The following HMBOX1 variants were observed in gnomAD, a reference collection of about 807,000 sequenced individuals.
HMBOX1 encodes the protein homeobox-containing protein 1.
In HMBOX1, 14 loss-of-function variants were observed where a neutral mutation model predicts 54.5. The ratio of observed to expected loss-of-function variants is 0.26; its 90% CI spans 0.17 to 0.40. The LOEUF is 0.40. Ranked by LOEUF, HMBOX1 falls within the 10% of genes least tolerant of loss-of-function variation. The pLI is 1.00. For synonymous variants in HMBOX1, 160 were observed against 181.0 expected (o/e 0.88, Z 0.93); for missense variants, 332 against 514.4 (o/e 0.65, Z 3.43).
chr8:28,953,550 T>A (rs984868150), intron 1 of HMBOX1, among the ~76,000 whole-genome samples: 2 of 152,158 alleles, frequency 1.3e-5, no homozygotes, highest in African/African-American at 4.8e-5. Context: ...TATTTTCTTC[T>A]CTTCTGGTAG....
intron 1 of HMBOX1, among the ~76,000 whole-genome samples, chr8:28,916,279 GATC>G (rs1816522994): frequency 6.6e-6 from 1 of 152,178 alleles, no homozygotes. Context: ...TGGGCCTTCT[GATC>G]ATCCATGATT....
At chr8:28,928,892 A>G (rs1443033377) in intron 1 of HMBOX1, among the ~76,000 whole-genome samples, 1 of 152,154 alleles carries the variant, frequency 6.6e-6, no homozygotes, top group African/African-American at 2.4e-5. Context: ...ATAGAAATAG[A>G]ATAGAAGGGT....
In HMBOX1 at chr8:28,970,781, T is replaced by C. The variant is rs998684271; in HGVS notation, c.500+262T>C. ...CTTTTCCATTCTGTTTATCAAACAC[T>C]AATCTTCTCTATGACTCTAATAGCT... is the stretch of plus-strand genomic sequence containing the variant. On this transcript the variant is annotated intron_variant, in intron 3 of 9. Transcript: ENST00000287701. The surrounding 1 kb of genome is among the most constrained non-coding windows in gnomAD (Gnocchi z 4.3). The C allele has an allele frequency of 1.4e-5, 5 of 355,946 alleles. No homozygotes were observed. Among genetic ancestry groups the C allele is most frequent in the Non-Finnish European group, 2.5e-5 (5 of 196,910 alleles). 22.0% of individuals were successfully genotyped at this position (355,946 alleles called of 1,614,324 possible). A position where few individuals can be genotyped will look rare whatever the true frequency, so the allele number is the denominator to read the frequency against.
chr8:29,047,301 A>T, intron 7 of HMBOX1, 57 bp from the exon 8 acceptor site: 1 of 986,054 alleles, frequency 1.0e-6, no homozygotes, highest in Non-Finnish European at 1.6e-6. Context: ...CCTTAAAACT[A>T]GTTTATTCTT....
At chr8:28,927,863 G>T (rs1277983101) in intron 1 of HMBOX1, among the ~76,000 whole-genome samples, 1 of 145,412 alleles carries the variant, frequency 6.9e-6, no homozygotes, top group African/African-American at 2.5e-5. Context: ...AAAGCCAGGC[G>T]TGGTGGCTCA....
intron 1 of HMBOX1, among the ~76,000 whole-genome samples, chr8:28,931,547 G>A (rs1229952240): frequency 6.6e-6 from 1 of 152,042 alleles, no homozygotes; most frequent in African/African-American, 2.4e-5. Flanking sequence ...CTTGGTGGTG[G>A]TTGTTGTTTT....
chr8:28,957,765 G>A (rs533476182), intron 1 of HMBOX1, among the ~76,000 whole-genome samples: 5 of 152,236 alleles, frequency 3.3e-5, no homozygotes, highest in African/African-American at 9.6e-5. Context: ...TGGGATTATA[G>A]GTGTGTGCCA....
At chr8:28,956,119 A>T (rs139759695) in intron 1 of HMBOX1, among the ~76,000 whole-genome samples, 1 of 152,254 alleles carries the variant, frequency 6.6e-6, no homozygotes, top group East Asian at 1.9e-4. Flanking sequence ...TTTCCAAATG[A>T]TGTCATAATC....
intron 6 of HMBOX1, among the ~76,000 whole-genome samples, chr8:29,030,597 A>G (rs1401619835): frequency 6.6e-6 from 1 of 152,240 alleles, no homozygotes; most frequent in Admixed American, 6.5e-5. Flanking sequence ...TTAAAATTAT[A>G]TCACTCTATG....
At chr8:28,947,993 G>T (rs1822782072) in intron 1 of HMBOX1, among the ~76,000 whole-genome samples, 1 of 152,090 alleles carries the variant, frequency 6.6e-6, no homozygotes, top group Admixed American at 6.6e-5. Context: ...GTGCAGATAT[G>T]CTCACTACAG....
intron 6 of HMBOX1, among the ~76,000 whole-genome samples, chr8:29,026,414 G>A (rs962879541): frequency 2.6e-5 from 4 of 152,074 alleles, no homozygotes; most frequent in Non-Finnish European, 5.9e-5. Context: ...TCTTTTTGGG[G>A]TGATGAAGAT....
chr8:28,901,270 T>A (rs1210845092), intron 1 of HMBOX1, among the ~76,000 whole-genome samples: 1 of 152,090 alleles, frequency 6.6e-6, no homozygotes, highest in African/African-American at 2.4e-5. Context: ...TTCTTCTGAG[T>A]TTTCCTTTTT....
At chr8:28,930,665 T>C (rs1225639523) in intron 1 of HMBOX1, among the ~76,000 whole-genome samples, 1 of 152,210 alleles carries the variant, frequency 6.6e-6, no homozygotes, top group East Asian at 1.9e-4. Flanking sequence ...TTTTTTTCTT[T>C]CTCAGCATCT....
chr8:28,954,549 A>G lies in HMBOX1; in HGVS notation c.-57-9262A>G, dbSNP rs544750668. On this transcript the variant is annotated intron_variant, in intron 1 of 9. Coordinates refer to ENST00000287701, the MANE Select transcript of HMBOX1 (RefSeq NM_001135726.3). ...TACCATTATTGAGTGAAACAGATCT[A>G]TGCCAAGCTGTACAATGTAAATTCA... is the stretch of plus-strand genomic sequence containing the variant. Among the ~76,000 whole-genome samples the G allele has an allele frequency of 5.3e-5, 8 of 152,324 alleles. No homozygotes were observed. The South Asian group carries it at 1.7e-3, about 32-fold the overall frequency.
chr8:29,017,490 G>A (rs1013661451), intron 5 of HMBOX1, among the ~76,000 whole-genome samples: 1 of 152,178 alleles, frequency 6.6e-6, no homozygotes, highest in Non-Finnish European at 1.5e-5. Context: ...TCTAAAAGTA[G>A]TAGCAGTGCA....
At chr8:28,962,936 A>G (rs2132271013) in intron 1 of HMBOX1, among the ~76,000 whole-genome samples, 1 of 152,020 alleles carries the variant, frequency 6.6e-6, no homozygotes, top group African/African-American at 2.4e-5. Context: ...TATCTTACTC[A>G]TATTTAGTTC....
At chr8:28,896,163 C>G (rs1413702495) in intron 1 of HMBOX1, among the ~76,000 whole-genome samples, 1 of 152,208 alleles carries the variant, frequency 6.6e-6, no homozygotes, top group Non-Finnish European at 1.5e-5. Context: ...ATAGTACCTA[C>G]TTCATAGGAT....
chr8:29,027,245 C>G (rs532196991), intron 6 of HMBOX1, among the ~76,000 whole-genome samples: 1 of 152,302 alleles, frequency 6.6e-6, no homozygotes, highest in South Asian at 2.1e-4. Flanking sequence ...CGTGATTCTG[C>G]AAACCTAACT....
At chr8:28,939,600 C>T (rs533077414) in intron 1 of HMBOX1, among the ~76,000 whole-genome samples, 20 of 152,016 alleles carry the variant, frequency 1.3e-4, no homozygotes, top group African/African-American at 3.1e-4. Flanking sequence ...CTCCGCCCCC[C>T]CTGGGTTCAA....
Sources: gnomAD v4.1 joint callset for allele counts (sites outside exome capture counted in the v4.1 genomes callset) on GRCh38, gnomAD v4.1.1 for gene constraint, Gnocchi (gnomAD v3.1) non-coding constraint, MANE v1.5 for transcripts, NCBI Gene and HGNC (gene_info 2026-07-23, HGNC 2026-07-21) for gene names.